The following RARB variants were observed in gnomAD, a reference collection of about 807,000 sequenced individuals.
RARB encodes the protein retinoic acid receptor beta.
RARB carries 17 observed loss-of-function variants against 51.9 expected under a neutral mutation model. The observed-to-expected ratio is 0.33, with a 90% CI of 0.22 to 0.49. The LOEUF (loss-of-function observed/expected upper bound fraction) is 0.49. Among genes scored for constraint, RARB ranks in the 20% least tolerant of loss-of-function variants. The pLI, the probability that RARB is intolerant of heterozygous loss-of-function variation, is 0.99. For synonymous variants in RARB, 215 were observed against 195.4 expected (o/e 1.10, Z -0.84); for missense variants, 369 against 550.8 (o/e 0.67, Z 3.30).
At chr3:24,991,539 A>C (rs1447646861) in intron 2 of RARB, among the ~76,000 whole-genome samples, 1 of 151,968 alleles carries the variant, frequency 6.6e-6, no homozygotes, top group African/African-American at 2.4e-5. Flanking sequence ...GTATTATTGC[A>C]CTGTAGTAAA....
intron 5 of RARB, among the ~76,000 whole-genome samples, chr3:25,267,329 A>G (rs559159289): frequency 3.3e-5 from 5 of 152,306 alleles, no homozygotes; most frequent in African/African-American, 7.2e-5. Context: ...GAAAGCCTTT[A>G]AATGTTAAAG....
chr3:24,832,627 CAATATATATA>C (rs1702296841), intron 1 of RARB, among the ~76,000 whole-genome samples: 1 of 79,456 alleles, frequency 1.3e-5, no homozygotes, highest in Non-Finnish European at 2.4e-5. Context: ...AATTGAGTCC[CAATATATATA>C]TATATATATA....
chr3:24,971,952 CAATT>C (rs1696408788), intron 2 of RARB, among the ~76,000 whole-genome samples: 1 of 150,336 alleles, frequency 6.7e-6, no homozygotes, highest in Admixed American at 6.7e-5. Flanking sequence ...TGTGTATAAT[CAATT>C]CAGGGTAATC....
At chr3:25,004,830 A>AT (rs971498059) in intron 2 of RARB, among the ~76,000 whole-genome samples, 36 of 152,064 alleles carry the variant, frequency 2.4e-4, no homozygotes, top group African/African-American at 7.2e-4. Flanking sequence ...ACTGGGTAGC[A>AT]TTTTTTTAAG....
intron 5 of RARB, among the ~76,000 whole-genome samples, chr3:25,207,355 A>G (rs1701576811): frequency 6.6e-6 from 1 of 152,164 alleles, no homozygotes; most frequent in African/African-American, 2.4e-5. Flanking sequence ...CTTAACAATG[A>G]GAAATTTGAA....
At chr3:25,087,666 G>A (rs1699127365) in intron 3 of RARB, among the ~76,000 whole-genome samples, 1 of 152,080 alleles carries the variant, frequency 6.6e-6, no homozygotes, top group South Asian at 2.1e-4. Context: ...TAGTAATGGA[G>A]ATTGTTGTTA....
chr3:25,521,170 A>G (rs973198942), intron 3 of RARB, among the ~76,000 whole-genome samples: 2 of 152,216 alleles, frequency 1.3e-5, no homozygotes, highest in African/African-American at 4.8e-5. Flanking sequence ...TGAAGTCCAC[A>G]TCACCCAAGA....
chr3:25,442,294 C>G (rs1424267328), intron 1 of RARB, among the ~76,000 whole-genome samples: 5 of 152,034 alleles, frequency 3.3e-5, no homozygotes, highest in Non-Finnish European at 7.4e-5. Flanking sequence ...CGCTACCACG[C>G]CCAGCTAATT....
chr3:25,023,315 TTAA>T (rs1226250862), intron 2 of RARB, among the ~76,000 whole-genome samples: 1 of 152,234 alleles, frequency 6.6e-6, no homozygotes, highest in Non-Finnish European at 1.5e-5. Context: ...AGAAGCCTAT[TTAA>T]TAATTTCTGA....
At chr3:25,456,674 TATATATATAGAGAG>T (rs1375053875) in intron 1 of RARB, among the ~76,000 whole-genome samples, 6 of 113,190 alleles carry the variant, frequency 5.3e-5, no homozygotes, top group African/African-American at 1.7e-4. Context: ...TATATATATA[TATATATATAGAGAG>T]AGAGAGAGAG....
At chr3:25,455,313 C>T (rs1023478733) in intron 1 of RARB, among the ~76,000 whole-genome samples, 14 of 152,270 alleles carry the variant, frequency 9.2e-5, no homozygotes, top group Non-Finnish European at 2.1e-4. Flanking sequence ...TTGATCAATC[C>T]ATGAGGGATT....
intron 2 of RARB, among the ~76,000 whole-genome samples, chr3:25,041,727 CT>C (rs1698118518): frequency 6.6e-6 from 1 of 151,860 alleles, no homozygotes; most frequent in South Asian, 2.1e-4. Context: ...TTTTCCTCCC[CT>C]AATGCCAACT....
chr3:25,319,106 G>A (rs566920850), intron 5 of RARB, among the ~76,000 whole-genome samples: 2 of 152,268 alleles, frequency 1.3e-5, no homozygotes, highest in African/African-American at 4.8e-5. Context: ...CAGACCTGAG[G>A]AGATGAAAGA....
At chr3:25,146,409 G>A (rs1700190500) in intron 4 of RARB, among the ~76,000 whole-genome samples, 1 of 152,074 alleles carries the variant, frequency 6.6e-6, no homozygotes, top group Admixed American at 6.6e-5. Context: ...TATGTTAAAG[G>A]GGGCAGGGTT....
intron 3 of RARB, among the ~76,000 whole-genome samples, chr3:25,070,612 A>G (rs963234854): frequency 6.6e-6 from 1 of 152,242 alleles, no homozygotes; most frequent in Admixed American, 6.5e-5. Flanking sequence ...AGTGATTAGT[A>G]ATAATAGTAG....
At chr3:25,095,759 T>G (rs1301339948) in intron 3 of RARB, among the ~76,000 whole-genome samples, 1 of 151,978 alleles carries the variant, frequency 6.6e-6, no homozygotes. Flanking sequence ...AAAGGAAAAA[T>G]GGGCCTCTGG....
chr3:25,534,388 G>T (rs1362602287), intron 3 of RARB, among the ~76,000 whole-genome samples: 1 of 151,992 alleles, frequency 6.6e-6, no homozygotes, highest in East Asian at 1.9e-4. Flanking sequence ...ATTATTAATG[G>T]GTCCTCAGTT....
intron 2 of RARB, among the ~76,000 whole-genome samples, chr3:24,862,664 A>AG (rs768770846): frequency 1.3e-5 from 2 of 152,182 alleles, no homozygotes; most frequent in Non-Finnish European, 1.5e-5. Context: ...TAGCATATAT[A>AG]GGGTTTATAT....
chr3:24,878,432 C>T (rs901239755), intron 2 of RARB, among the ~76,000 whole-genome samples: 5 of 151,750 alleles, frequency 3.3e-5, no homozygotes, highest in African/African-American at 9.7e-5. Context: ...TGGCAAAAAC[C>T]TTGGTTGACT....
Sources: allele counts gnomAD v4.1 joint callset (sites outside exome capture counted in the v4.1 genomes callset), GRCh38; gene constraint gnomAD v4.1.1; transcripts MANE v1.5; gene names NCBI Gene and HGNC (gene_info 2026-07-23, HGNC 2026-07-21).